USP10: variants seen among roughly 807,000 people sequenced by gnomAD.
USP10 encodes ubiquitin specific peptidase 10.
USP10 carries 22 observed loss-of-function variants against 84.5 expected under a neutral mutation model. That is an observed-to-expected ratio of 0.26 (90% CI 0.19 to 0.37). USP10 has a LOEUF of 0.37. Among genes scored for constraint, USP10 ranks in the 10% least tolerant of loss-of-function variants. The probability of loss-of-function intolerance (pLI) is 1.00; values close to 1 mark genes in which losing one functional copy is unlikely to be tolerated. For missense variants in USP10, 1,019 were observed against 998.9 expected, an observed-to-expected ratio of 1.02 and a Z score of -0.27; for synonymous variants, 454 against 387.6, an observed-to-expected ratio of 1.17 and a Z score of -2.01.
At chr16:84,752,164 G>C (rs766349122) in intron 4 of USP10, among the ~76,000 whole-genome samples, 4 of 152,178 alleles carry the variant, frequency 2.6e-5, no homozygotes, top group Non-Finnish European at 5.9e-5. Flanking sequence ...TGTCTTTTAT[G>C]AGTCATTCTG....
chr16:84,757,096 A>G (rs982069847), intron 4 of USP10, among the ~76,000 whole-genome samples: 4 of 152,196 alleles, frequency 2.6e-5, no homozygotes, highest in African/African-American at 9.7e-5. Flanking sequence ...TATGAATAAT[A>G]TACACAAAGC....
intron 3 of USP10, among the ~76,000 whole-genome samples, chr16:84,740,650 AC>A (rs1285807414): frequency 1.3e-5 from 2 of 152,180 alleles, no homozygotes. Flanking sequence ...CAGGTATGTT[AC>A]TCTTCATCAG....
intron 2 of USP10, among the ~76,000 whole-genome samples, chr16:84,738,199 C>A (rs551664663): frequency 6.6e-5 from 10 of 152,114 alleles, no homozygotes; most frequent in Non-Finnish European, 1.3e-4. Flanking sequence ...TTCTCTCTTC[C>A]CCGAGCAGAA....
intron 3 of USP10, among the ~76,000 whole-genome samples, chr16:84,743,493 G>C: frequency 6.6e-6 from 1 of 151,994 alleles, no homozygotes; most frequent in Admixed American, 6.5e-5. Context: ...AATATATTCA[G>C]TTCTCCGCAG....
At position 84,741,526 on chromosome 16, in the gene USP10, C is replaced by G. The variant is rs8047390; in HGVS notation, c.151+1157C>G. Among the ~76,000 whole-genome samples the G allele has an allele frequency of 2.5e-3, 377 of 152,340 alleles. 1 individual carries two copies. Among genetic ancestry groups the G allele is most frequent in the African/African-American group, 8.3e-3 (346 of 41,576 alleles). On this transcript the variant is annotated intron_variant, in intron 3 of 13. Coordinates refer to ENST00000219473, the MANE Select transcript of USP10 (RefSeq NM_005153.3). ...TGCACATCACTTCTTTGAGTTCACC[C>G]TCCTCCCTGTGCAGTGGGCACCACC...
intron 2 of USP10, among the ~76,000 whole-genome samples, chr16:84,735,196 G>GATGT (rs1555541026): frequency 0.084 from 12,331 of 146,272 alleles, 633 homozygotes; most frequent in Middle Eastern, 0.16. Flanking sequence ...AGGCCCGGGT[G>GATGT]GTGTGTGTGT....
chr16:84,748,072 T>A (rs1386839473), intron 4 of USP10, among the ~76,000 whole-genome samples: 1 of 132,788 alleles, frequency 7.5e-6, no homozygotes, highest in Non-Finnish European at 1.5e-5. Context: ...GAGAATGGCG[T>A]GAACCTGGGA....
rs533678079 is a variant in USP10 at position 84,761,194 on chromosome 16, A to G, written c.1554+919A>G. On this transcript the variant is annotated intron_variant, in intron 8 of 13. Transcript: ENST00000219473. ...AATGAGTTAATGAATAGTCAACAAG[A>G]GAAGCACAAAGATACAGAGATGCCT... Among the ~76,000 whole-genome samples the G allele has an allele frequency of 2.6e-5, 4 of 152,302 alleles. No homozygotes were observed. The South Asian group carries it at 6.2e-4, about 24-fold the overall frequency.
intron 1 of USP10, among the ~76,000 whole-genome samples, chr16:84,726,309 G>T (rs1255178150): frequency 2.0e-5 from 3 of 152,258 alleles, no homozygotes; most frequent in Non-Finnish European, 4.4e-5. Context: ...CCAGCAGGTT[G>T]TGCAAGTGAA....
At chr16:84,744,265 A>G (rs1910955500) in intron 3 of USP10, among the ~76,000 whole-genome samples, 1 of 152,294 alleles carries the variant, frequency 6.6e-6, no homozygotes, top group Middle Eastern at 3.4e-3. Flanking sequence ...AAGTTGTCCA[A>G]AATACATATT....
chr16:84,736,127 CA>C (rs1401871974), intron 2 of USP10, among the ~76,000 whole-genome samples: 2 of 152,028 alleles, frequency 1.3e-5, no homozygotes, highest in Non-Finnish European at 2.9e-5. Context: ...TTCTACAGCA[CA>C]GTTTGGCCTT....
chr16:84,731,093 C>T (rs1013202458), intron 1 of USP10, among the ~76,000 whole-genome samples: 7 of 150,130 alleles, frequency 4.7e-5, no homozygotes, highest in African/African-American at 7.4e-5. Context: ...GATTCTCCTG[C>T]ATCAGCCTCC....
chr16:84,745,568 A>G lies in USP10; in HGVS notation c.1087A>G (p.Lys363Glu). The G allele has an allele frequency of 1.9e-6, 3 of 1,610,698 alleles. No individual in the cohort carries two copies. The highest frequency in any genetic ancestry group is 2.5e-6 in the Non-Finnish European group (3 of 1,178,306). The change falls in exon 4 of 14, where the codon AAG becomes GAG. Residue 363 changes from lysine to glutamate, a missense_variant. Physicochemically the swap from Lys to Glu is moderately conservative, Grantham distance 56. Transcript: ENST00000219473. Reference protein sequence around the residue: ...SSSPVAYVETKYSPPAISPLV... With the variant: ...SSSPVAYVETEYSPPAISPLV... ...CTCGCCGGTGGCCTATGTGGAAACT[A>G]AGTATTCCCCTCCCGCCATATCTCC...
At chr16:84,733,232 C>T (rs1909469619) in intron 1 of USP10, 2 of 604,102 alleles carry the variant, frequency 3.3e-6, no homozygotes, top group Admixed American at 2.6e-5. Context: ...TGTTCTTTGA[C>T]AATTTGTAGG....
intron 2 of USP10, among the ~76,000 whole-genome samples, chr16:84,735,188 G>A (rs561506092): frequency 2.9e-5 from 4 of 139,456 alleles, no homozygotes; most frequent in African/African-American, 5.6e-5. Flanking sequence ...GTGCTGCCAG[G>A]CCCGGGTGGT....
intron 1 of USP10, among the ~76,000 whole-genome samples, chr16:84,727,463 CAA>C (rs1908648256): frequency 1.4e-5 from 1 of 71,198 alleles, no homozygotes; most frequent in Non-Finnish European, 4.4e-5. Flanking sequence ...TTTAAAAAAA[CAA>C]ACAAACAAAC....
At chr16:84,744,527 T>G in intron 3 of USP10, 106 bp from the exon 4 acceptor site, 4 of 1,041,538 alleles carry the variant, frequency 3.8e-6, no homozygotes, top group Non-Finnish European at 5.5e-6. Context: ...ATTTGTTGAT[T>G]AGGAAGAGAA....
At chr16:84,712,836 C>G (rs1163095194) in intron 1 of USP10, among the ~76,000 whole-genome samples, 1 of 152,120 alleles carries the variant, frequency 6.6e-6, no homozygotes, top group Non-Finnish European at 1.5e-5. Flanking sequence ...TGGTTTTATT[C>G]CTTGGTCTCT....
In USP10 at chr16:84,772,701, G is replaced by C; in HGVS notation, c.2143+16G>C. On this transcript the variant is annotated intron_variant, in intron 12 of 13. Coordinates refer to ENST00000219473, the MANE Select transcript of USP10 (RefSeq NM_005153.3). ...ATTAGTAAAGGTAATGCATACATAAGGTCGGGAGTGTTCGTGGTGACACAC... is the reference window on the plus strand; with the variant it reads ...ATTAGTAAAGGTAATGCATACATAACGTCGGGAGTGTTCGTGGTGACACAC... 1 of 1,613,100 alleles carries C rather than the reference G, an allele frequency of 6.2e-7. No homozygotes were observed. Among genetic ancestry groups the C allele is most frequent in the South Asian group, 1.1e-5 (1 of 91,072 alleles).
Sources: gnomAD v4.1 joint callset for allele counts (sites outside exome capture counted in the v4.1 genomes callset) on GRCh38, gnomAD v4.1.1 for gene constraint, MANE v1.5 for transcripts, NCBI Gene and HGNC (gene_info 2026-07-23, HGNC 2026-07-21) for gene names.